The following ZBTB40 variants were observed in gnomAD, a reference collection of about 807,000 sequenced individuals.
The protein encoded by ZBTB40 is zinc finger and BTB domain-containing protein 40.
Under a neutral mutation model 117.5 loss-of-function variants are expected in ZBTB40, and 60 were observed. That is an observed-to-expected ratio of 0.51 (90% confidence interval 0.41 to 0.63). The LOEUF is 0.63. Among genes scored for constraint, ZBTB40 ranks in the 30% least tolerant of loss-of-function variants. The pLI, the probability that ZBTB40 is intolerant of heterozygous loss-of-function variation, is 0.00. For missense variants in ZBTB40, 1,287 were observed against 1,498.5 expected, an observed-to-expected ratio of 0.86 and a Z score of 2.33; for synonymous variants, 525 against 577.1, an observed-to-expected ratio of 0.91 and a Z score of 1.29.
chr1:22,433,086 C>T (rs1008391533), intron 1 of ZBTB40, among the ~76,000 whole-genome samples: 4 of 152,058 alleles, frequency 2.6e-5, no homozygotes, highest in Non-Finnish European at 5.9e-5. Context: ...TCAACCAACA[C>T]CAGATCGAAA....
In ZBTB40 at chr1:22,522,423, G is replaced by C. The variant is rs781407518; in HGVS notation, c.3258G>C (p.Thr1086=). The C allele has an allele frequency of 2.5e-6, 4 of 1,614,154 alleles. No individual in the cohort carries two copies. Among genetic ancestry groups the C allele is most frequent in the Middle Eastern group, 3.3e-4 (2 of 6,062 alleles). ...ACCAGTGTAAGGAGCTCTTCCCCAC[G>C]CCAGCCTTGCTGCAGGTTCATGTCA... ...ECDQCKELFP[T]PALLQVHVKC... Residue 1086 remains threonine, a synonymous_variant, in exon 16 of 18, where the codon ACG becomes ACC. Coordinates refer to ENST00000375647, the MANE Select transcript of ZBTB40 (RefSeq NM_014870.4).
At chr1:22,509,260 C>T in intron 9 of ZBTB40, 27 bp downstream of exon 9, 1 of 1,613,860 alleles carries the variant, frequency 6.2e-7, no homozygotes, top group Non-Finnish European at 8.5e-7. Flanking sequence ...AAGCGAAATG[C>T]CAGAGAGTTT....
At chr1:22,485,159 A>C (rs962123805) in intron 1 of ZBTB40, among the ~76,000 whole-genome samples, 1 of 152,212 alleles carries the variant, frequency 6.6e-6, no homozygotes, top group African/African-American at 2.4e-5. Flanking sequence ...GTTGGCCTCA[A>C]AGAATGAGTT....
chr1:22,443,659 C>T (rs1367258515), intron 1 of ZBTB40, among the ~76,000 whole-genome samples: 3 of 152,166 alleles, frequency 2.0e-5, no homozygotes, highest in Non-Finnish European at 4.4e-5. Flanking sequence ...CCGGAAAAGA[C>T]CTAGAAAGGG....
intron 1 of ZBTB40, among the ~76,000 whole-genome samples, chr1:22,435,470 A>G (rs1640658078): frequency 1.3e-5 from 2 of 149,574 alleles, no homozygotes; most frequent in South Asian, 4.2e-4. Flanking sequence ...CTTCCCCCAC[A>G]TCTCTCTCTC....
At chr1:22,521,357 C>G in intron 14 of ZBTB40, 139 bp from the exon 15 acceptor site, 1 of 1,084,432 alleles carries the variant, frequency 9.2e-7, no homozygotes, top group South Asian at 1.4e-5. Context: ...ACATCAGCAC[C>G]CGGTGTGATA....
upstream of ZBTB40, among the ~76,000 whole-genome samples, chr1:22,449,115 G>T (rs768656366): frequency 2.6e-4 from 40 of 152,128 alleles, no homozygotes; most frequent in Non-Finnish European, 3.7e-4. Context: ...CAGCCGGCCG[G>T]TTGTTATTTC....
intron 1 of ZBTB40, among the ~76,000 whole-genome samples, chr1:22,488,862 A>T (rs964976369): frequency 9.8e-5 from 15 of 152,316 alleles, no homozygotes; most frequent in African/African-American, 3.4e-4. Flanking sequence ...TTGCTGCAGT[A>T]ATCTAGGTAA....
At chr1:22,451,594 G>C (rs1415663070), upstream of ZBTB40, among the ~76,000 whole-genome samples, 3 of 151,676 alleles carry the variant, frequency 2.0e-5, no homozygotes, top group African/African-American at 7.3e-5. Flanking sequence ...GCAGTGGGGC[G>C]AGATCGCGCC....
chr1:22,448,417 A>G (rs897949860), upstream of ZBTB40, among the ~76,000 whole-genome samples: 3 of 152,168 alleles, frequency 2.0e-5, no homozygotes, highest in African/African-American at 7.2e-5. Flanking sequence ...GTTGCTGCTA[A>G]GTGCTAGGAT....
At chr1:22,522,868 C>T (rs762373710) in intron 16 of ZBTB40, among the ~76,000 whole-genome samples, 1 of 150,448 alleles carries the variant, frequency 6.6e-6, no homozygotes, top group Non-Finnish European at 1.5e-5. Flanking sequence ...TGGGTTCAAG[C>T]AATTCTCCCT....
intron 13 of ZBTB40, 60 bp downstream of exon 13, chr1:22,517,524 C>A: frequency 1.3e-6 from 2 of 1,572,666 alleles, no homozygotes; most frequent in South Asian, 1.2e-5. Flanking sequence ...GAAAGCGTGT[C>A]AATTGCAGCA....
chr1:22,518,632 G>T (rs1424486830), intron 13 of ZBTB40, among the ~76,000 whole-genome samples: 1 of 152,118 alleles, frequency 6.6e-6, no homozygotes, highest in Admixed American at 6.5e-5. Context: ...ATCCAAGTCT[G>T]TCGTCAGCCA....
At chr1:22,503,508 C>T (rs1212918229) in intron 5 of ZBTB40, among the ~76,000 whole-genome samples, 1 of 152,034 alleles carries the variant, frequency 6.6e-6, no homozygotes, top group African/African-American at 2.4e-5. Context: ...GGAGAGAAAA[C>T]GTTTAGAAGC....
intron 17 of ZBTB40, 97 bp from the exon 18 acceptor site, chr1:22,526,105 A>C: frequency 6.9e-7 from 1 of 1,452,700 alleles, no homozygotes; most frequent in Non-Finnish European, 9.6e-7. Flanking sequence ...AGGTGAAAAC[A>C]TAAATATCAT....
At chr1:22,507,888 A>G (rs1385476308) in intron 6 of ZBTB40, 113 bp from the exon 7 acceptor site, 26 of 1,484,186 alleles carry the variant, frequency 1.8e-5, no homozygotes, top group African/African-American at 4.1e-5. Flanking sequence ...TCTGCAGAGG[A>G]CACTGAGCCC....
chr1:22,494,171 A>G (rs1638710701), intron 3 of ZBTB40, among the ~76,000 whole-genome samples: 1 of 152,166 alleles, frequency 6.6e-6, no homozygotes, highest in Admixed American at 6.5e-5. Flanking sequence ...TTTTCACTGA[A>G]TGTCTTATAA....
chr1:22,512,000 A>T lies in ZBTB40; in HGVS notation c.2327A>T (p.Asp776Val), dbSNP rs781524065. ...TGTAAGGAGTGCAGTGAGACCAAGG[A>T]TTCAAAGAAAGAGCTGGACAAACAT... is the stretch of plus-strand genomic sequence containing the variant. ...VQCKECSETKDSKKELDKHQL... is the reference protein window; with the variant it reads ...VQCKECSETKVSKKELDKHQL... The change falls in exon 11 of 18, where the codon GAT becomes GTT. Residue 776 changes from aspartate to valine, a missense_variant. This residue lies in a region of ZBTB40 where 870 missense variants were observed against 934.4 expected (regional missense o/e 0.93). Coordinates refer to ENST00000375647, the MANE Select transcript of ZBTB40 (RefSeq NM_014870.4). 37 of 1,614,056 alleles carry T rather than the reference A, an allele frequency of 2.3e-5. No homozygotes were observed. The highest frequency in any genetic ancestry group is 2.9e-5 in the Non-Finnish European group (34 of 1,180,044).
In ZBTB40 at chr1:22,438,883, T is replaced by A. The variant is rs554034343; in HGVS notation, c.-70+9869T>A. On this transcript the variant is annotated intron_variant, in intron 1 of 8. Coordinates refer to the ZBTB40 transcript ENST00000650433. ...ATTTTATTTATTTATTTATTTATTT[T>A]TTGAGACAGAGTCTTGCTCTGTTGC... is the stretch of plus-strand genomic sequence containing the variant. Among the ~76,000 whole-genome samples the A allele has an allele frequency of 6.6e-5, 10 of 152,288 alleles. No homozygotes were observed. In the East Asian group the frequency reaches 1.2e-3, roughly 18 times the overall value.
Sources: gnomAD v4.1 joint callset for allele counts (sites outside exome capture counted in the v4.1 genomes callset) on GRCh38, gnomAD v4.1.1 for gene constraint, gnomAD v4.1.1 regional missense constraint, MANE v1.5 for transcripts, NCBI Gene and HGNC (gene_info 2026-07-23, HGNC 2026-07-21) for gene names.